Variants in PDCL2 observed in about 807,000 individuals in gnomAD.
PDCL2 encodes phosducin-like protein 2.
In PDCL2, 23 loss-of-function variants were observed where a neutral mutation model predicts 30.3. The ratio of observed to expected loss-of-function variants is 0.76; its 90% confidence interval spans 0.55 to 1.08. PDCL2 has a LOEUF of 1.08. PDCL2 is among the 50% of genes least tolerant of loss of function. The probability of loss-of-function intolerance (pLI) is 0.00; values close to 1 mark genes in which losing one functional copy is unlikely to be tolerated. For synonymous variants in PDCL2, 68 were observed against 86.2 expected, an observed-to-expected ratio of 0.79 and a Z score of 1.17; for missense variants, 243 against 282.3, an observed-to-expected ratio of 0.86 and a Z score of 1.00.
intron 3 of PDCL2, among the ~76,000 whole-genome samples, chr4:55,575,298 C>A: frequency 6.6e-6 from 1 of 151,150 alleles, no homozygotes; most frequent in East Asian, 1.9e-4. Flanking sequence ...TTGGAGAGTT[C>A]CAAAAGCAGA....
intron 3 of PDCL2, among the ~76,000 whole-genome samples, chr4:55,576,819 T>G (rs1732581287): frequency 6.6e-6 from 1 of 152,134 alleles, no homozygotes; most frequent in Non-Finnish European, 1.5e-5. Context: ...TAAGTGAATT[T>G]TAAATTAATA....
At chr4:55,569,153 C>A (rs1183365518) in intron 4 of PDCL2, among the ~76,000 whole-genome samples, 1 of 152,138 alleles carries the variant, frequency 6.6e-6, no homozygotes, top group African/African-American at 2.4e-5. Context: ...GTTAACCTGT[C>A]TTTTGTCAGT....
rs151338703 is a variant in PDCL2 at position 55,577,654 on chromosome 4, T to C, written c.218+3167A>G. Among the ~76,000 whole-genome samples, 504 of 152,338 alleles carry C rather than the reference T, an allele frequency of 3.3e-3. 2 individuals carry two copies. Among genetic ancestry groups the C allele is most frequent in the African/African-American group, 0.011 (463 of 41,578 alleles). On this transcript the variant is annotated intron_variant, in intron 3 of 5. Transcript: ENST00000295645. ...AGGAACTGGGGACAAAGATCAGATA[T>C]ATATTTCTCATTATCACAGTTCCAG...
At chr4:55,568,666 G>A (rs1321392718) in intron 4 of PDCL2, among the ~76,000 whole-genome samples, 1 of 152,066 alleles carries the variant, frequency 6.6e-6, no homozygotes, top group African/African-American at 2.4e-5. Context: ...AAGCCACTCT[G>A]GCATAAGGAT....
chr4:55,586,311 C>G (rs1732864775), intron 1 of PDCL2, among the ~76,000 whole-genome samples: 1 of 152,116 alleles, frequency 6.6e-6, no homozygotes, highest in African/African-American at 2.4e-5. Context: ...AAAAACTGTA[C>G]TCATTAAATA....
intron 5 of PDCL2, among the ~76,000 whole-genome samples, chr4:55,559,301 T>C (rs1286845812): frequency 1.3e-5 from 2 of 151,512 alleles, no homozygotes; most frequent in African/African-American, 2.4e-5. Context: ...GGCACAACAA[T>C]GGTCACAGCA....
At chr4:55,557,558 C>G (rs77697476) in intron 5 of PDCL2, among the ~76,000 whole-genome samples, 2,463 of 152,182 alleles carry the variant, frequency 0.016, 56 homozygotes, top group African/African-American at 0.056. Flanking sequence ...CTTAAGGTCC[C>G]ACTTCTCAAC....
At chr4:55,564,354 C>G (rs1351297189) in intron 4 of PDCL2, among the ~76,000 whole-genome samples, 1 of 152,100 alleles carries the variant, frequency 6.6e-6, no homozygotes, top group African/African-American at 2.4e-5. Context: ...TGCCCGAAGA[C>G]AGTTCTGACA....
At chr4:55,561,915 A>G (rs1033413186) in intron 5 of PDCL2, among the ~76,000 whole-genome samples, 1 of 152,222 alleles carries the variant, frequency 6.6e-6, no homozygotes, top group African/African-American at 2.4e-5. Flanking sequence ...AATTCAGTAG[A>G]GAAGAAAAAG....
At chr4:55,572,406 AT>A (rs1732450086) in intron 3 of PDCL2, among the ~76,000 whole-genome samples, 1 of 152,248 alleles carries the variant, frequency 6.6e-6, no homozygotes, top group South Asian at 2.1e-4. Context: ...AAACTAGGGA[AT>A]CTGGAACTAC....
chr4:55,591,842 TG>T (rs1733011659), intron 1 of PDCL2, among the ~76,000 whole-genome samples: 1 of 152,246 alleles, frequency 6.6e-6, no homozygotes, highest in Non-Finnish European at 1.5e-5. Flanking sequence ...TCTATGATTT[TG>T]GTGTGAAACA....
rs372338124 is a variant in PDCL2 at position 55,582,075 on chromosome 4, G to A, written c.127+42C>T. 24 of 1,606,198 alleles carry A rather than the reference G, an allele frequency of 1.5e-5. No individual in the cohort carries two copies. The African/African-American group carries it at 2.3e-4, about 15-fold the overall frequency. On this transcript the variant is annotated intron_variant, in intron 2 of 5. Coordinates refer to ENST00000295645, the MANE Select transcript of PDCL2 (RefSeq NM_152401.3). Reference sequence around the variant, plus strand: ...GAAATACCTTAGTACTAACTTAACTGTATTATTCCCATCATCCAGCCCACC... The same window carrying A: ...GAAATACCTTAGTACTAACTTAACTATATTATTCCCATCATCCAGCCCACC...
chr4:55,570,463 A>G (rs1187439515), intron 3 of PDCL2, among the ~76,000 whole-genome samples: 1 of 152,204 alleles, frequency 6.6e-6, no homozygotes, highest in African/African-American at 2.4e-5. Context: ...AGCTCAGACT[A>G]CACTGGGTTT....
intron 4 of PDCL2, among the ~76,000 whole-genome samples, chr4:55,565,565 C>T (rs1210097711): frequency 6.6e-6 from 1 of 152,134 alleles, no homozygotes; most frequent in Non-Finnish European, 1.5e-5. Flanking sequence ...TAACTGCCCC[C>T]ATGATTAAAT....
chr4:55,587,384 C>A (rs1732890819), intron 1 of PDCL2, among the ~76,000 whole-genome samples: 1 of 152,044 alleles, frequency 6.6e-6, no homozygotes, highest in Non-Finnish European at 1.5e-5. Flanking sequence ...AATTTTGGAG[C>A]AGACACACTC....
At chr4:55,588,756 TG>T (rs1412577361) in intron 1 of PDCL2, among the ~76,000 whole-genome samples, 5 of 152,230 alleles carry the variant, frequency 3.3e-5, no homozygotes, top group African/African-American at 1.2e-4. Flanking sequence ...GCCCATTTAA[TG>T]GTCTTGGCAC....
chr4:55,591,986 G>C, intron 1 of PDCL2, 118 bp downstream of exon 1: 1 of 1,405,896 alleles, frequency 7.1e-7, no homozygotes. Context: ...CACTTTCCAA[G>C]AACAAATGTT....
intron 3 of PDCL2, among the ~76,000 whole-genome samples, chr4:55,575,187 G>T (rs988388467): frequency 1.3e-4 from 20 of 152,190 alleles, no homozygotes; most frequent in Non-Finnish European, 2.9e-5. Context: ...TTGGAGAATT[G>T]GTTGTGGGGG....
At chr4:55,571,497 C>T (rs1305905334) in intron 3 of PDCL2, among the ~76,000 whole-genome samples, 1 of 148,476 alleles carries the variant, frequency 6.7e-6, no homozygotes, top group Non-Finnish European at 1.5e-5. Flanking sequence ...ACCATCCTGG[C>T]TAGCATGGTG....
Sources: allele counts gnomAD v4.1 joint callset (sites outside exome capture counted in the v4.1 genomes callset), GRCh38; gene constraint gnomAD v4.1.1; transcripts MANE v1.5; gene names NCBI Gene and HGNC (gene_info 2026-07-23, HGNC 2026-07-21).